The following SSPN variants were observed in gnomAD, a reference collection of about 807,000 sequenced individuals.
The protein encoded by SSPN is sarcospan.
SSPN carries 15 observed loss-of-function variants against 19.1 expected under a neutral mutation model. The ratio of observed to expected loss-of-function variants is 0.78; its 90% CI spans 0.52 to 1.21. The LOEUF (loss-of-function observed/expected upper bound fraction) is 1.21, where lower values mean the gene tolerates loss of function less well. SSPN is among the 50% of genes most tolerant of loss of function. The pLI, the probability that SSPN is intolerant of heterozygous loss-of-function variation, is 0.00. For missense variants in SSPN, 291 were observed against 314.0 expected (o/e 0.93, Z 0.55); for synonymous variants, 147 against 140.3 (o/e 1.05, Z -0.34).
At chr12:26,123,071 C>G in intron 1 of SSPN, 1 of 1,594,502 alleles carries the variant, frequency 6.3e-7, no homozygotes, top group Non-Finnish European at 8.5e-7. Context: ...AGCTCTCAAA[C>G]CGGGAGAGGT....
intron 1 of SSPN, among the ~76,000 whole-genome samples, chr12:26,213,348 A>C (rs1945012248): frequency 1.3e-5 from 2 of 152,158 alleles, no homozygotes; most frequent in Admixed American, 1.3e-4. Flanking sequence ...GATTTTTGAA[A>C]AGTGGGTCCT....
At chr12:26,197,728 A>G (rs1245684918) in intron 1 of SSPN, among the ~76,000 whole-genome samples, 1 of 152,242 alleles carries the variant, frequency 6.6e-6, no homozygotes, top group African/African-American at 2.4e-5. Context: ...TGGGTGTTGC[A>G]CAAAGGGCAT....
intron 1 of SSPN, 67 bp from the exon 2 acceptor site, chr12:26,224,226 A>C: frequency 9.2e-7 from 1 of 1,090,308 alleles, no homozygotes. Context: ...GAAGATACTG[A>C]GACTGATGTC....
At chr12:26,141,563 G>T (rs1387291627) in intron 1 of SSPN, among the ~76,000 whole-genome samples, 1 of 152,118 alleles carries the variant, frequency 6.6e-6, no homozygotes, top group Non-Finnish European at 1.5e-5. Flanking sequence ...TCACAAAGCT[G>T]GTTATTCATC....
At chr12:26,154,655 G>C (rs1944545565) in intron 1 of SSPN, among the ~76,000 whole-genome samples, 1 of 152,080 alleles carries the variant, frequency 6.6e-6, no homozygotes, top group African/African-American at 2.4e-5. Context: ...GGAATAAAAT[G>C]GTACCTATAA....
intron 1 of SSPN, among the ~76,000 whole-genome samples, chr12:26,208,250 T>C (rs559463292): frequency 2.4e-4 from 37 of 152,150 alleles, no homozygotes; most frequent in Non-Finnish European, 3.8e-4. Flanking sequence ...AAATCCAAAT[T>C]GGACTAACTT....
chr12:26,169,694 G>T (rs1334025659), intron 1 of SSPN, among the ~76,000 whole-genome samples: 2 of 152,106 alleles, frequency 1.3e-5, no homozygotes, highest in Non-Finnish European at 2.9e-5. Context: ...ATAGAGGAAG[G>T]AGTAGGTCTA....
intron 1 of SSPN, among the ~76,000 whole-genome samples, chr12:26,133,625 A>T (rs189863549): frequency 6.9e-6 from 1 of 145,870 alleles, no homozygotes; most frequent in South Asian, 2.2e-4. Context: ...CAATTGGTTC[A>T]GGGAAACCTG....
intron 1 of SSPN, among the ~76,000 whole-genome samples, chr12:26,213,269 T>TA (rs11341895): frequency 6.6e-6 from 1 of 151,914 alleles, no homozygotes; most frequent in African/African-American, 2.4e-5. Flanking sequence ...GTAACAGAAA[T>TA]AAAAAGAGTC....
At chr12:26,139,999 A>G (rs1476714447) in intron 1 of SSPN, among the ~76,000 whole-genome samples, 2 of 152,146 alleles carry the variant, frequency 1.3e-5, no homozygotes, top group East Asian at 3.8e-4. Context: ...TCCTCACTGA[A>G]TGATCTCATC....
chr12:26,180,545 C>T (rs983295359), intron 1 of SSPN: 12 of 152,174 alleles, frequency 7.9e-5, no homozygotes, highest in East Asian at 3.9e-4. Flanking sequence ...TTAAGAAATT[C>T]GATTTCTCCC....
At chr12:26,179,799 C>T (rs977082088) in intron 1 of SSPN, among the ~76,000 whole-genome samples, 1 of 152,062 alleles carries the variant, frequency 6.6e-6, no homozygotes, top group East Asian at 1.9e-4. Context: ...ACAGACACAA[C>T]TGAGTAGTTT....
intron 1 of SSPN, among the ~76,000 whole-genome samples, chr12:26,135,862 T>C (rs1181160688): frequency 5.9e-5 from 9 of 152,212 alleles, no homozygotes; most frequent in Non-Finnish European, 1.3e-4. Context: ...AATTTTGTCA[T>C]TGGATAATGG....
intron 1 of SSPN, among the ~76,000 whole-genome samples, chr12:26,149,640 A>T (rs1944513150): frequency 6.6e-6 from 1 of 152,260 alleles, no homozygotes; most frequent in Admixed American, 6.5e-5. Flanking sequence ...TCTGGTGCAT[A>T]ATTTGTACTC....
chr12:26,151,545 A>G (rs1408112407), intron 1 of SSPN, among the ~76,000 whole-genome samples: 1 of 152,198 alleles, frequency 6.6e-6, no homozygotes, highest in East Asian at 1.9e-4. Context: ...TCAACACTAA[A>G]TACCTAGTGT....
At chr12:26,159,862 G>A (rs1042357318) in intron 1 of SSPN, among the ~76,000 whole-genome samples, 9 of 152,236 alleles carry the variant, frequency 5.9e-5, no homozygotes, top group Non-Finnish European at 1.3e-4. Context: ...CCCAGTGCCT[G>A]GGAGACAGTA....
Position 26,232,775 on chromosome 12 carries a change from G to C in SSPN, c.*1699G>C. ...GTTAAACCTTTTAATGTTTTGATTT[G>C]CTTTAAAAATGGCCTTCCTACACAT... is the stretch of plus-strand genomic sequence containing the variant. On this transcript the variant is annotated 3_prime_UTR_variant, in exon 3 of 3. Transcript: ENST00000242729. 1.0e-6 allele frequency: 1 copy of C among 965,174 alleles called. No individual in the cohort carries two copies. The highest frequency in any genetic ancestry group is 1.2e-6 in the Non-Finnish European group (1 of 811,610). 59.8% of individuals were successfully genotyped at this position (965,174 alleles called of 1,614,324 possible).
chr12:26,142,035 G>A (rs1330517950), intron 1 of SSPN, among the ~76,000 whole-genome samples: 1 of 152,206 alleles, frequency 6.6e-6, no homozygotes, highest in Non-Finnish European at 1.5e-5. Context: ...AAAGGAGCAG[G>A]TGGATTTTCA....
At chr12:26,162,030 G>A (rs1206481500) in intron 1 of SSPN, among the ~76,000 whole-genome samples, 1 of 152,098 alleles carries the variant, frequency 6.6e-6, no homozygotes, top group Non-Finnish European at 1.5e-5. Context: ...GCACTTAATA[G>A]GTACCTAGTC....
Sources: gnomAD v4.1 joint callset for allele counts (sites outside exome capture counted in the v4.1 genomes callset) on GRCh38, gnomAD v4.1.1 for gene constraint, MANE v1.5 for transcripts, NCBI Gene and HGNC (gene_info 2026-07-23, HGNC 2026-07-21) for gene names.